The following BCL11A variants were observed in gnomAD, a reference collection of about 807,000 sequenced individuals.
BCL11A encodes BCL11 transcription factor A.
BCL11A carries 2 observed loss-of-function variants against 55.9 expected under a neutral mutation model. The ratio of observed to expected loss-of-function variants is 0.04; its 90% CI spans 0.01 to 0.11. The LOEUF is 0.11. BCL11A is among the 10% of genes least tolerant of loss of function. BCL11A has a pLI of 1.00. For missense variants in BCL11A, 817 were observed against 1,137.1 expected (o/e 0.72, Z 4.05); for synonymous variants, 465 against 473.4 (o/e 0.98, Z 0.23).
At chr2:60,503,328 C>T (rs1194377802) in intron 2 of BCL11A, among the ~76,000 whole-genome samples, 2 of 152,186 alleles carry the variant, frequency 1.3e-5, no homozygotes, top group Non-Finnish European at 2.9e-5. Flanking sequence ...CCTCACTTCT[C>T]CAGGCATTGT....
downstream of BCL11A, among the ~76,000 whole-genome samples, chr2:60,454,927 A>G (rs1176952599): frequency 6.6e-6 from 1 of 152,234 alleles, no homozygotes; most frequent in Non-Finnish European, 1.5e-5. Context: ...TGCCCTGGGA[A>G]AAACTCAACT....
At chr2:60,543,632 G>T (rs1398314128) in intron 2 of BCL11A, 1 of 152,240 alleles carries the variant, frequency 6.6e-6, no homozygotes, top group African/African-American at 2.4e-5. Flanking sequence ...ATTATGAGAA[G>T]TCGTGATTCT....
Position 60,461,145 on chromosome 2 carries a change from C to G in BCL11A, c.1767G>C (p.Ser589=). The change falls in exon 4 of 4, where the codon TCG becomes TCC. Residue 589 remains serine (S), a synonymous_variant. Transcript: ENST00000642384. ...EGHRDTCDED[S]VAGESDRIDD... is the part of the protein sequence containing the mutation. ...CTATGCGGTCCGACTCGCCGGCCAC[C>G]GAGTCTTCGTCGCAAGTGTCCCTGT... 4 of 1,611,864 alleles carry G rather than the reference C, an allele frequency of 2.5e-6. No homozygotes were observed. The highest frequency in any genetic ancestry group is 2.5e-6 in the Non-Finnish European group (3 of 1,179,510).
At chr2:60,475,985 G>A (rs967454003) in intron 2 of BCL11A, among the ~76,000 whole-genome samples, 6 of 152,204 alleles carry the variant, frequency 3.9e-5, no homozygotes, top group African/African-American at 1.2e-4. Flanking sequence ...CTGGCCCTAA[G>A]TGTTTCCATC....
chr2:60,499,485 G>A (rs1679156545), intron 2 of BCL11A, among the ~76,000 whole-genome samples: 1 of 152,184 alleles, frequency 6.6e-6, no homozygotes, highest in Admixed American at 6.5e-5. Context: ...CCAATAGGCT[G>A]ATTGACTTGT....
intron 2 of BCL11A, among the ~76,000 whole-genome samples, chr2:60,469,448 A>G (rs1020790988): frequency 2.0e-5 from 3 of 152,182 alleles, no homozygotes; most frequent in African/African-American, 7.2e-5. Context: ...GAATCCTGTC[A>G]ACTGGAAACC....
chr2:60,512,987 G>C (rs1291974788), intron 2 of BCL11A, among the ~76,000 whole-genome samples: 1 of 152,066 alleles, frequency 6.6e-6, no homozygotes, highest in Non-Finnish European at 1.5e-5. Context: ...AACACACAGA[G>C]CAACAGCTGA....
In BCL11A at chr2:60,461,896, A is replaced by G; in HGVS notation, c.1016T>C (p.Met339Thr). Residue 339 changes from methionine to threonine, a missense_variant, in exon 4 of 4, where the codon ATG (methionine) becomes ACG (threonine). Around this residue, in one of 4 missense-constraint regions of BCL11A, gnomAD observed 363 missense variants for 486.6 expected, o/e 0.75. Transcript: ENST00000642384. ...CTGGAATGGTTGCAGTAACCTTTGCATAGGGCTGGGCCGGCCTGGGGACAG... is the reference window on the plus strand; with the variant it reads ...CTGGAATGGTTGCAGTAACCTTTGCGTAGGGCTGGGCCGGCCTGGGGACAG... ...PPLSPGRPSP[M>T]QRLLQPFQPG... 6.2e-7 allele frequency: 1 copy of G among 1,614,156 alleles called. No homozygotes were observed. The highest frequency in any genetic ancestry group is 8.5e-7 in the Non-Finnish European group (1 of 1,179,990).
chr2:60,493,474 G>C (rs1340899331), intron 2 of BCL11A, among the ~76,000 whole-genome samples: 1 of 152,034 alleles, frequency 6.6e-6, no homozygotes, highest in African/African-American at 2.4e-5. Context: ...TATCTGTTTG[G>C]CTCAGCTACC....
chr2:60,477,148 A>G (rs945311250), intron 2 of BCL11A, among the ~76,000 whole-genome samples: 1 of 152,228 alleles, frequency 6.6e-6, no homozygotes, highest in Non-Finnish European at 1.5e-5. Context: ...CAGGTTAAGT[A>G]TTAGATACCT....
Position 60,460,345 on chromosome 2 carries a change from AG to A in BCL11A, c.*58del. 1 of 1,539,652 alleles carries A rather than the reference AG, an allele frequency of 6.5e-7. No homozygotes were observed. ...GAGTGGGGCTGGAGGGCGATGGGGAAGGGGAGTGGTGAAAAAGGGGGTGTCA... is the reference window on the plus strand; with the variant it reads ...GAGTGGGGCTGGAGGGCGATGGGGAAGGGAGTGGTGAAAAAGGGGGTGTCA... On this transcript the variant is annotated 3_prime_UTR_variant, in exon 4 of 4. Coordinates refer to ENST00000642384, the MANE Select transcript of BCL11A (RefSeq NM_022893.4).
chr2:60,479,279 T>C (rs1677811478), intron 2 of BCL11A, among the ~76,000 whole-genome samples: 1 of 152,234 alleles, frequency 6.6e-6, no homozygotes, highest in Non-Finnish European at 1.5e-5. Context: ...ACTCAGCCTA[T>C]GGACACCTGG....
At chr2:60,500,182 G>C (rs1403085111) in intron 2 of BCL11A, among the ~76,000 whole-genome samples, 4 of 152,250 alleles carry the variant, frequency 2.6e-5, no homozygotes, top group African/African-American at 7.2e-5. Flanking sequence ...CTGTGCCCTG[G>C]ATGGAAAACC....
chr2:60,468,666 G>C, intron 3 of BCL11A, 66 bp downstream of exon 3: 4 of 1,216,860 alleles, frequency 3.3e-6, no homozygotes, highest in Non-Finnish European at 4.8e-6. Flanking sequence ...AAAAGTAAGG[G>C]CAATTTCCAG....
chr2:60,491,029 C>T (rs1381226596), intron 2 of BCL11A, among the ~76,000 whole-genome samples: 1 of 152,120 alleles, frequency 6.6e-6, no homozygotes, highest in South Asian at 2.1e-4. Context: ...ACCCCACACC[C>T]TGGAGAAGAG....
At chr2:60,514,459 C>A (rs969725976) in intron 2 of BCL11A, among the ~76,000 whole-genome samples, 4 of 147,210 alleles carry the variant, frequency 2.7e-5, no homozygotes, top group Non-Finnish European at 5.9e-5. Flanking sequence ...GAGTTCAAGA[C>A]CAGCCTAGCC....
rs73932589 is a variant in BCL11A at position 60,478,658 on chromosome 2, A to C, written c.386-9825T>G. Among the ~76,000 whole-genome samples, 1,017 of 152,382 alleles carry C rather than the reference A, an allele frequency of 6.7e-3. 14 individuals are homozygous for C. Among genetic ancestry groups the C allele is most frequent in the African/African-American group, 0.024 (980 of 41,584 alleles). ...AACTAATTTAAGGCTTCAAAGCTCT[A>C]CCAAAAAAAATGGTCTAGCAGGTCA... is the stretch of plus-strand genomic sequence containing the variant. On this transcript the variant is annotated intron_variant, in intron 2 of 3. Transcript: ENST00000642384.
chr2:60,535,867 T>C (rs1669647204), intron 2 of BCL11A: 1 of 152,278 alleles, frequency 6.6e-6, no homozygotes, highest in African/African-American at 2.4e-5. Flanking sequence ...ACCCCAGTTA[T>C]TAGAGAGTAT....
intron 2 of BCL11A, chr2:60,522,655 ATC>A (rs966879276): frequency 9.9e-5 from 15 of 152,202 alleles, no homozygotes; most frequent in Non-Finnish European, 1.6e-4. Context: ...GTCCTCCCAC[ATC>A]GACTGCCCCA....
Sources: allele counts gnomAD v4.1 joint callset (sites outside exome capture counted in the v4.1 genomes callset), GRCh38; gene constraint gnomAD v4.1.1; regional missense constraint gnomAD v4.1.1; transcripts MANE v1.5; gene names NCBI Gene and HGNC (gene_info 2026-07-23, HGNC 2026-07-21).